The following RBFOX1 variants were observed in gnomAD, a reference collection of about 807,000 sequenced individuals.
RBFOX1 encodes RNA binding fox-1 homolog 1.
In RBFOX1, 8 loss-of-function variants were observed where a neutral mutation model predicts 57.7. That is an observed-to-expected ratio of 0.14 (90% CI 0.08 to 0.25). The LOEUF (loss-of-function observed/expected upper bound fraction) is 0.25. Ranked by LOEUF, RBFOX1 falls within the 10% of genes least tolerant of loss-of-function variation. RBFOX1 has a pLI of 1.00. For synonymous variants in RBFOX1, 326 were observed against 222.4 expected (o/e 1.47, Z -4.15); for missense variants, 611 against 548.5 (o/e 1.11, Z -1.14).
intron 4 of RBFOX1, among the ~76,000 whole-genome samples, chr16:7,341,750 C>T (rs1355715924): frequency 1.7e-5 from 2 of 114,690 alleles, no homozygotes; most frequent in African/African-American, 3.3e-5. Flanking sequence ...CTCCCTCCCT[C>T]CCTCCTTCCC....
At chr16:5,257,046 G>A (rs1352982233) in intron 1 of RBFOX1, among the ~76,000 whole-genome samples, 1 of 152,162 alleles carries the variant, frequency 6.6e-6, no homozygotes, top group Non-Finnish European at 1.5e-5. Flanking sequence ...TAAGGAAGGT[G>A]TGGAAACCAG....
chr16:7,386,679 A>C (rs1409875329), intron 4 of RBFOX1, among the ~76,000 whole-genome samples: 1 of 152,160 alleles, frequency 6.6e-6, no homozygotes. Context: ...ACAGTGCCAC[A>C]GTAATCATAC....
intron 1 of RBFOX1, among the ~76,000 whole-genome samples, chr16:5,322,780 T>C (rs2064448661): frequency 6.6e-6 from 1 of 152,226 alleles, no homozygotes; most frequent in African/African-American, 2.4e-5. Flanking sequence ...ATAGAAGGTT[T>C]CAGTGTACCT....
At chr16:5,851,939 C>T (rs1321733800) in intron 3 of RBFOX1, among the ~76,000 whole-genome samples, 2 of 152,072 alleles carry the variant, frequency 1.3e-5, no homozygotes, top group African/African-American at 4.8e-5. Flanking sequence ...TTAGAGGCAC[C>T]CGAATTAAAA....
intron 3 of RBFOX1, among the ~76,000 whole-genome samples, chr16:6,802,487 A>G (rs1213290689): frequency 6.6e-6 from 1 of 152,084 alleles, no homozygotes; most frequent in Non-Finnish European, 1.5e-5. Flanking sequence ...GACCAGCCTG[A>G]CCAATTTGGC....
At chr16:5,397,026 G>T (rs1175422917) in intron 1 of RBFOX1, among the ~76,000 whole-genome samples, 2 of 152,134 alleles carry the variant, frequency 1.3e-5, no homozygotes, top group African/African-American at 4.8e-5. Context: ...GGCTTATAGG[G>T]GCCATCCCTA....
At chr16:7,503,258 G>C (rs1462828885) in intron 4 of RBFOX1, among the ~76,000 whole-genome samples, 1 of 152,092 alleles carries the variant, frequency 6.6e-6, no homozygotes, top group Non-Finnish European at 1.5e-5. Context: ...GGATACCGTA[G>C]TCAGCAACGT....
At chr16:5,814,702 G>A (rs1240851383) in intron 3 of RBFOX1, among the ~76,000 whole-genome samples, 2 of 152,198 alleles carry the variant, frequency 1.3e-5, no homozygotes, top group Non-Finnish European at 2.9e-5. Context: ...GCCGAGGCGG[G>A]TGGATCATGA....
chr16:5,296,869 G>A (rs934545785), intron 1 of RBFOX1, among the ~76,000 whole-genome samples: 6 of 151,906 alleles, frequency 3.9e-5, no homozygotes, highest in African/African-American at 1.5e-4. Flanking sequence ...AGTAGAGATA[G>A]GGTTTCATCA....
chr16:7,246,824 A>T (rs1015846114), intron 4 of RBFOX1, among the ~76,000 whole-genome samples: 1 of 152,054 alleles, frequency 6.6e-6, no homozygotes, highest in Admixed American at 6.5e-5. Flanking sequence ...TGACTGATCA[A>T]AGAGAGCTAC....
chr16:5,738,751 T>G (rs1721052013), intron 3 of RBFOX1, among the ~76,000 whole-genome samples: 1 of 149,416 alleles, frequency 6.7e-6, no homozygotes, highest in South Asian at 2.1e-4. Context: ...GGAGTGGGGG[T>G]GCACAGCATG....
chr16:6,683,514 CTA>C (rs961994534), intron 3 of RBFOX1, among the ~76,000 whole-genome samples: 1 of 151,962 alleles, frequency 6.6e-6, no homozygotes, highest in African/African-American at 2.4e-5. Flanking sequence ...ATAAACAAAA[CTA>C]TATATATATG....
chr16:7,470,883 G>A (rs184734515), intron 4 of RBFOX1, among the ~76,000 whole-genome samples: 3 of 149,870 alleles, frequency 2.0e-5, no homozygotes, highest in East Asian at 2.0e-4. Flanking sequence ...ATCTCAGGGC[G>A]GGATGGGGGA....
At chr16:6,659,437 A>C in intron 3 of RBFOX1, among the ~76,000 whole-genome samples, 1 of 151,960 alleles carries the variant, frequency 6.6e-6, no homozygotes, top group East Asian at 1.9e-4. Flanking sequence ...AGAGTTCTGA[A>C]CTCATCTTTT....
At position 7,029,236 on chromosome 16, in the gene RBFOX1, GTATACGTA is replaced by G. The variant is rs1568441697; in HGVS notation, c.-15-22816_-15-22809del. On this transcript the variant is annotated intron_variant, in intron 3 of 15. Coordinates refer to ENST00000550418, the MANE Select transcript of RBFOX1 (RefSeq NM_018723.4). The stretch of plus-strand genomic sequence containing the variant: ...TATATATATACACACATATATATAC[GTATACGTA>G]TATATATACACACATATATATACGT... Among the ~76,000 whole-genome samples the G allele has an allele frequency of 1.4e-3, 78 of 55,294 alleles. 5 individuals are homozygous for G. Among genetic ancestry groups the G allele is most frequent in the Middle Eastern group, 8.1e-3 (1 of 124 alleles). 36.3% of individuals were successfully genotyped at this position (55,294 alleles called of 152,430 possible).
intron 1 of RBFOX1, among the ~76,000 whole-genome samples, chr16:5,303,240 G>C (rs370310329): frequency 1.3e-5 from 2 of 152,096 alleles, no homozygotes; most frequent in South Asian, 4.2e-4. Flanking sequence ...AGTGTTGATG[G>C]GTCCCTATAG....
chr16:5,973,789 A>T (rs2060009228), intron 4 of RBFOX1, among the ~76,000 whole-genome samples: 1 of 152,226 alleles, frequency 6.6e-6, no homozygotes, highest in Non-Finnish European at 1.5e-5. Flanking sequence ...CATTTGGAGC[A>T]AGGACAAGGA....
chr16:5,633,437 C>T (rs999038719), intron 3 of RBFOX1, among the ~76,000 whole-genome samples: 3 of 152,134 alleles, frequency 2.0e-5, no homozygotes, highest in Non-Finnish European at 4.4e-5. Context: ...GATTTTGTTG[C>T]ACTCATCACT....
intron 4 of RBFOX1, among the ~76,000 whole-genome samples, chr16:5,998,369 CAAAAG>C (rs1214290692): frequency 6.6e-6 from 1 of 152,082 alleles, no homozygotes; most frequent in Non-Finnish European, 1.5e-5. Flanking sequence ...TTGTCTATAA[CAAAAG>C]AAATAGAGTG....
Sources: gnomAD v4.1 joint callset for allele counts (sites outside exome capture counted in the v4.1 genomes callset) on GRCh38, gnomAD v4.1.1 for gene constraint, MANE v1.5 for transcripts, NCBI Gene and HGNC (gene_info 2026-07-23, HGNC 2026-07-21) for gene names.